Variants in CHRNA10 observed in about 807,000 individuals in gnomAD.
The protein encoded by CHRNA10 is cholinergic receptor nicotinic alpha 10 subunit.
Under a neutral mutation model 36.0 loss-of-function variants are expected in CHRNA10, and 31 were observed. The ratio of observed to expected loss-of-function variants is 0.86; its 90% CI spans 0.65 to 1.16. The LOEUF is 1.16. Among genes scored for constraint, CHRNA10 ranks in the 50% most tolerant of loss-of-function variants. CHRNA10 has a pLI of 0.00. For missense variants in CHRNA10, 648 were observed against 640.9 expected, an observed-to-expected ratio of 1.01 and a Z score of -0.12; for synonymous variants, 302 against 287.0, an observed-to-expected ratio of 1.05 and a Z score of -0.53.
intron 1 of CHRNA10, among the ~76,000 whole-genome samples, 197 bp from the exon 2 acceptor site, chr11:3,670,138 T>TG (rs2077703436): frequency 6.6e-6 from 1 of 152,216 alleles, no homozygotes. Context: ...TGGAGTGAAC[T>TG]GGTACTATCT....
chr11:3,670,938 G>T, intron 1 of CHRNA10: 1 of 444,654 alleles, frequency 2.2e-6, no homozygotes, highest in Non-Finnish European at 4.1e-6. Context: ...GTATGCTGCT[G>T]AAACCTTTCA....
At chr11:3,667,123 C>T (rs2077668311) in intron 4 of CHRNA10, 109 bp downstream of exon 4, 2 of 1,417,574 alleles carry the variant, frequency 1.4e-6, no homozygotes, top group South Asian at 1.5e-5. Flanking sequence ...AGGACGCCCC[C>T]CTCTCACTTT....
Position 3,667,764 on chromosome 11 carries a change from T to C in CHRNA10, c.363A>G (p.Lys121=), listed in dbSNP as rs770709371. ...CGGAACCTGGAGGCTGCGCGTCGGC[T>C]CTGGGGGCAGGCGGGGCAGGGCTCA... The part of the protein sequence containing the change: ...VWRPDIVLYN[K]ADAQPPGSAS... The change falls in exon 4 of 5, where the codon AAA becomes AAG. Residue 121 remains lysine (K), a splice_region_variant and synonymous_variant. Transcript: ENST00000250699. The C allele has an allele frequency of 8.1e-5, 124 of 1,523,334 alleles. No individual in the cohort carries two copies. The Middle Eastern group carries it at 1.9e-3, about 24-fold the overall frequency. The allele number at this position is 1,523,334 out of a possible 1,614,324, so 94.4% of individuals were successfully genotyped here.
Position 3,666,678 on chromosome 11 carries a change from C to A in CHRNA10, c.896-114G>T, listed in dbSNP as rs2077664999. On this transcript the variant is annotated intron_variant, in intron 4 of 4. Transcript: ENST00000250699. Reference sequence around the variant, plus strand: ...CCCACCATGAAGCTCTCCAGACCCTCCAAGCCCCATGGATGGAAGCAGGAA... The same window carrying A: ...CCCACCATGAAGCTCTCCAGACCCTACAAGCCCCATGGATGGAAGCAGGAA... 12 of 772,966 alleles carry A rather than the reference C, an allele frequency of 1.6e-5. No homozygotes were observed. In the East Asian group the frequency reaches 3.3e-4, roughly 22 times the overall value. 47.9% of individuals were successfully genotyped at this position (772,966 alleles called of 1,614,324 possible).
In CHRNA10 at chr11:3,666,320, C is replaced by T. The variant is rs201083934; in HGVS notation, c.1140G>A (p.Ala380=). 7.8e-5 allele frequency: 126 copies of T among 1,613,278 alleles called. No homozygotes were observed. Among genetic ancestry groups the T allele is most frequent in the Middle Eastern group, 1.7e-4 (1 of 6,056 alleles). ...QSPEGGAGPP[A]GPCHEPRCLC... is the part of the protein sequence containing the mutation. ...GACATCGTGGCTCGTGGCAAGGGCCCGCTGGGGGGCCAGCCCCTCCTTCAG... is the reference window on the plus strand; with the variant it reads ...GACATCGTGGCTCGTGGCAAGGGCCTGCTGGGGGGCCAGCCCCTCCTTCAG... The change falls in exon 5 of 5, where the codon GCG becomes GCA. Residue 380 remains alanine (A), a synonymous_variant. Coordinates refer to ENST00000250699, the MANE Select transcript of CHRNA10 (RefSeq NM_020402.4).
intron 4 of CHRNA10, among the ~76,000 whole-genome samples, 199 bp from the exon 5 acceptor site, chr11:3,666,763 C>T (rs1287895625): frequency 1.3e-5 from 2 of 152,176 alleles, no homozygotes; most frequent in African/African-American, 4.8e-5. Context: ...TCGGAAGCTA[C>T]TGCTCTCTAA....
In CHRNA10 at chr11:3,669,650, A is replaced by G. The variant is rs1359469644; in HGVS notation, c.207+146T>C. 3 of 1,116,302 alleles carry G rather than the reference A, an allele frequency of 2.7e-6. No homozygotes were observed. In the African/African-American group the frequency reaches 4.6e-5, roughly 17 times the overall value. The allele number at this position is 1,116,302 out of a possible 1,614,324, so 69.1% of individuals were successfully genotyped here. A position where few individuals can be genotyped will look rare whatever the true frequency, so the allele number is the denominator to read the frequency against. On this transcript the variant is annotated intron_variant, in intron 2 of 4. Transcript: ENST00000250699. ...CAATACTCAGTACCCAACAGTCAGT[A>G]CCCAACAGTTTGTAACTGCTACCTT...
Position 3,667,593 on chromosome 11 carries a change from G to T in CHRNA10, c.534C>A (p.Gly178=). The T allele has an allele frequency of 6.4e-7, 1 of 1,556,744 alleles. No homozygotes were observed. ...GCGGCCGCACATCCAGTTGGTGCCC[G>T]CCGTGAGTCCAGGAGCCGAACGTCA... The part of the protein sequence containing the change: ...CGLTFGSWTH[G]GHQLDVRPRG... The change falls in exon 4 of 5, where the codon GGC becomes GGA. Residue 178 remains glycine, a synonymous_variant. Transcript: ENST00000250699.
chr11:3,666,688 T>C (rs933826495), intron 4 of CHRNA10, 124 bp from the exon 5 acceptor site: 5 of 718,230 alleles, frequency 7.0e-6, no homozygotes, highest in Non-Finnish European at 1.1e-5. Flanking sequence ...CCAAGCCCCA[T>C]GGATGGAAGC....
intron 4 of CHRNA10, among the ~76,000 whole-genome samples, chr11:3,666,963 C>T (rs2077666963): frequency 2.0e-5 from 3 of 152,176 alleles, no homozygotes; most frequent in African/African-American, 7.2e-5. Flanking sequence ...TAGGGGAGTG[C>T]CTGGCACACA....
Position 3,666,148 on chromosome 11 carries a change from C to A in CHRNA10, c.1312G>T (p.Ala438Ser). 6.3e-7 allele frequency: 1 copy of A among 1,597,248 alleles called. No individual in the cohort carries two copies. Among genetic ancestry groups the A allele is most frequent in the Non-Finnish European group, 8.5e-7 (1 of 1,171,370 alleles). ...RFFLAIFFSM[A>S]LVMSLLVLVQ... Reference sequence around the variant, plus strand: ...AGCACCAGGAGGCTCATGACCAGGGCCATGGAGAAGAAGATGGCCAGGAAG... The same window carrying A: ...AGCACCAGGAGGCTCATGACCAGGGACATGGAGAAGAAGATGGCCAGGAAG... The change falls in exon 5 of 5, where the codon GCC (alanine) becomes TCC (serine). Residue 438 changes from alanine to serine, a missense_variant. Transcript: ENST00000250699.
intron 4 of CHRNA10, among the ~76,000 whole-genome samples, chr11:3,667,023 G>T (rs1019881697): frequency 6.6e-6 from 1 of 152,226 alleles, no homozygotes; most frequent in Non-Finnish European, 1.5e-5. Flanking sequence ...GGATACTGAT[G>T]TTCCATCATC....
chr11:3,667,082 C>T (rs543626438), intron 4 of CHRNA10, 150 bp downstream of exon 4: 1 of 1,285,536 alleles, frequency 7.8e-7, no homozygotes, highest in Non-Finnish European at 1.0e-6. Flanking sequence ...CTAATCCTTT[C>T]CCCTCAGTCT....
chr11:3,666,610 GGT>G (rs768081336), intron 4 of CHRNA10, 46 bp from the exon 5 acceptor site: 1 of 1,436,908 alleles, frequency 7.0e-7, no homozygotes, highest in Non-Finnish European at 9.4e-7. Context: ...AAAAGCCTGT[GGT>G]TCCTGAGCTT....
chr11:3,669,298 G>T lies in CHRNA10; in HGVS notation c.260C>A (p.Thr87Lys), dbSNP rs138195713. ...GGGGTCCCATCGTAGGTAGGCATCT[G>T]TCCACTCCTGCCGTATCCACAGATA... ...TLYLWIRQEW[T>K]DAYLRWDPNA... Residue 87 changes from threonine (T) to lysine (K), a missense_variant, in exon 3 of 5, where the codon ACA (threonine) becomes AAA (lysine). By Grantham distance (78) the Thr-to-Lys change is moderately conservative (BLOSUM62 -1). Transcript: ENST00000250699. 34 of 1,613,966 alleles carry T rather than the reference G, an allele frequency of 2.1e-5. No individual in the cohort carries two copies. The African/African-American group carries it at 4.1e-4, about 20-fold the overall frequency.
At position 3,667,602 on chromosome 11, in the gene CHRNA10, CCAGGAGCCGAACGT is replaced by C. The variant is rs2077677199; in HGVS notation, c.511_524del (p.Thr171AspfsTer162). The C allele has an allele frequency of 6.4e-7, 1 of 1,557,394 alleles. No homozygotes were observed. The highest frequency in any genetic ancestry group is 8.6e-7 in the Non-Finnish European group (1 of 1,156,312). ...CATCCAGTTGGTGCCCGCCGTGAGT[CCAGGAGCCGAACGT>C]CAGGCCGCAGTGCTGGGCGTCGAAC... On this transcript the variant is annotated frameshift_variant, in exon 4 of 5. Transcript: ENST00000250699. LOFTEE classifies it high-confidence loss of function.
chr11:3,669,975 G>A (rs1173773780), intron 1 of CHRNA10, 34 bp from the exon 2 acceptor site: 1 of 1,613,568 alleles, frequency 6.2e-7, no homozygotes, highest in Non-Finnish European at 8.5e-7. Context: ...GTCCATCCCA[G>A]GCCCTAGTCC....
Position 3,669,362 on chromosome 11 carries a change from A to T in CHRNA10, c.208-12T>A. The T allele has an allele frequency of 1.2e-6, 2 of 1,612,146 alleles. No homozygotes were observed. Among genetic ancestry groups the T allele is most frequent in the Non-Finnish European group, 1.7e-6 (2 of 1,178,918 alleles). On this transcript the variant is annotated splice_polypyrimidine_tract_variant and intron_variant, in intron 2 of 4. Transcript: ENST00000250699. ...TGGTTCCGTTCATCCTAGTGGGGGC[A>T]GGGAATGGCAGAGATGTGGACATGT...
chr11:3,666,509 G>A lies in CHRNA10; in HGVS notation c.951C>T (p.Ile317=), dbSNP rs773268867. 3 of 1,597,958 alleles carry A rather than the reference G, an allele frequency of 1.9e-6. No homozygotes were observed. Among genetic ancestry groups the A allele is most frequent in the South Asian group, 2.2e-5 (2 of 89,070 alleles). Residue 317 remains isoleucine (I), a synonymous_variant, in exon 5 of 5, where the codon ATC becomes ATT. Transcript: ENST00000250699. ...CACAGTAATGCAGGTTCATGATAAG[G>A]ATGGTGAGTGCTGTTGAGAATGTGA... The part of the protein sequence containing the change: ...TMVTFSTALT[I]LIMNLHYCGP...
Sources: allele counts gnomAD v4.1 joint callset (sites outside exome capture counted in the v4.1 genomes callset), GRCh38; gene constraint gnomAD v4.1.1; transcripts MANE v1.5; gene names NCBI Gene and HGNC (gene_info 2026-07-23, HGNC 2026-07-21).